Variants in MMS22L observed in about 807,000 individuals in gnomAD.
MMS22L encodes MMS22 like, DNA repair protein.
In MMS22L, 74 loss-of-function variants were observed where a neutral mutation model predicts 159.1. The observed-to-expected ratio is 0.47, with a 90% confidence interval of 0.39 to 0.56. MMS22L has a LOEUF of 0.56. MMS22L is among the 20% of genes least tolerant of loss of function. MMS22L has a pLI of 0.00. For synonymous variants in MMS22L, 517 were observed against 506.9 expected (o/e 1.02, Z -0.27); for missense variants, 1,351 against 1,422.1 (o/e 0.95, Z 0.80).
At chr6:97,225,572 G>GTTTTTTT (rs202185434) in intron 14 of MMS22L, among the ~76,000 whole-genome samples, 3 of 142,060 alleles carry the variant, frequency 2.1e-5, no homozygotes, top group African/African-American at 7.8e-5. Context: ...TGGTCTCGAA[G>GTTTTTTT]TTTTTTTTTT....
chr6:97,233,403 A>G (rs781193515), intron 12 of MMS22L, among the ~76,000 whole-genome samples: 2 of 152,114 alleles, frequency 1.3e-5, no homozygotes, highest in Non-Finnish European at 2.9e-5. Context: ...AGTCTTCCAC[A>G]AATACAGATA....
At chr6:97,173,294 T>C (rs1377763418) in intron 18 of MMS22L, 72 bp from the exon 19 acceptor site, 1 of 1,431,682 alleles carries the variant, frequency 7.0e-7, no homozygotes, top group African/African-American at 1.4e-5. Flanking sequence ...TAAAGATAAT[T>C]TTTCTCTCTT....
rs978516445 is a variant in MMS22L, at chr6:97,282,261, T to TA, written c.164+52dup. 1.1e-5 allele frequency: 17 copies of TA among 1,573,440 alleles called. No individual in the cohort carries two copies. In the African/African-American group the frequency reaches 2.0e-4, roughly 19 times the overall value. On this transcript the variant is annotated intron_variant, in intron 2 of 24. Coordinates refer to ENST00000683635, the MANE Select transcript of MMS22L (RefSeq NM_001350599.2). The stretch of plus-strand genomic sequence containing the variant: ...AATGGGCTGAAATAACTAACATTCC[T>TA]AAAAAACTGGTGAATAATCAGATGA...
At chr6:97,281,547 T>C (rs1384606970) in intron 2 of MMS22L, among the ~76,000 whole-genome samples, 185 bp from the exon 3 acceptor site, 1 of 152,214 alleles carries the variant, frequency 6.6e-6, no homozygotes, top group Non-Finnish European at 1.5e-5. Flanking sequence ...ATCTTCTATA[T>C]TGATAAAATG....
At chr6:97,194,110 C>G (rs186527405) in intron 14 of MMS22L, among the ~76,000 whole-genome samples, 4 of 148,960 alleles carry the variant, frequency 2.7e-5, no homozygotes, top group Non-Finnish European at 5.9e-5. Context: ...CAGGCTGGAG[C>G]GCAGTGGCGC....
intron 10 of MMS22L, among the ~76,000 whole-genome samples, chr6:97,247,427 A>C (rs1029083213): frequency 2.0e-5 from 3 of 152,176 alleles, no homozygotes; most frequent in Non-Finnish European, 4.4e-5. Context: ...AGGGAAAAAA[A>C]CGGTATAAAA....
chr6:97,172,167 T>C (rs1582453005), intron 19 of MMS22L, among the ~76,000 whole-genome samples: 1 of 152,168 alleles, frequency 6.6e-6, no homozygotes, highest in South Asian at 2.1e-4. Context: ...TTTATTAATG[T>C]GTATTTTACT....
At chr6:97,157,785 G>C (rs1421904334) in intron 22 of MMS22L, among the ~76,000 whole-genome samples, 1 of 151,806 alleles carries the variant, frequency 6.6e-6, no homozygotes, top group African/African-American at 2.4e-5. Flanking sequence ...ATTTTTTTTT[G>C]TTGTTGTGTC....
chr6:97,182,430 G>A (rs776428545), intron 15 of MMS22L, among the ~76,000 whole-genome samples: 1 of 151,964 alleles, frequency 6.6e-6, no homozygotes, highest in Non-Finnish European at 1.5e-5. Flanking sequence ...AAATTTGCCT[G>A]TCATCTGCCA....
chr6:97,165,806 A>C (rs1463087715), intron 20 of MMS22L, among the ~76,000 whole-genome samples: 1 of 152,116 alleles, frequency 6.6e-6, no homozygotes, highest in Non-Finnish European at 1.5e-5. Context: ...GTTATAAAAC[A>C]CCTTTAGGTC....
chr6:97,244,312 C>A (rs897217959), intron 11 of MMS22L, among the ~76,000 whole-genome samples: 4 of 152,118 alleles, frequency 2.6e-5, no homozygotes, highest in African/African-American at 7.2e-5. Context: ...TGGATGGGGC[C>A]ATGGAGCTCC....
chr6:97,260,237 A>G lies in MMS22L; in HGVS notation c.942+3098T>C, dbSNP rs569944747. ...TTTTATTTCTGGGAAGTTTCCTTTG[A>G]TTATAGTTTTTAATATTAGCTATAT... On this transcript the variant is annotated intron_variant, in intron 9 of 24. Transcript: ENST00000683635. The G allele has an allele frequency of 2.6e-5, 4 of 152,220 alleles. No homozygotes were observed. In the East Asian group the frequency reaches 5.8e-4, roughly 22 times the overall value. 9.4% of individuals were successfully genotyped at this position (152,220 alleles called of 1,614,324 possible).
At chr6:97,238,199 T>C (rs1811613476) in intron 11 of MMS22L, among the ~76,000 whole-genome samples, 1 of 152,156 alleles carries the variant, frequency 6.6e-6, no homozygotes, top group Admixed American at 6.5e-5. Flanking sequence ...CTGTCGTAAG[T>C]ATTAAGTGAA....
intron 6 of MMS22L, chr6:97,270,685 A>T (rs1334775760): frequency 6.5e-6 from 1 of 154,706 alleles, no homozygotes; most frequent in Non-Finnish European, 1.4e-5. Context: ...TAGGTATACA[A>T]ACAAAATAAA....
chr6:97,163,396 G>A (rs933798157), intron 21 of MMS22L, among the ~76,000 whole-genome samples: 2 of 151,886 alleles, frequency 1.3e-5, no homozygotes, highest in Non-Finnish European at 2.9e-5. Context: ...GAGAAGCATG[G>A]CATGGAAGAA....
At chr6:97,150,591 T>C (rs1254053638) in intron 23 of MMS22L, among the ~76,000 whole-genome samples, 2 of 152,196 alleles carry the variant, frequency 1.3e-5, no homozygotes, top group African/African-American at 4.8e-5. Flanking sequence ...CCACCTCGCT[T>C]AGTAAATTAT....
intron 4 of MMS22L, among the ~76,000 whole-genome samples, chr6:97,278,293 C>T (rs939888877): frequency 6.6e-6 from 1 of 151,780 alleles, no homozygotes; most frequent in African/African-American, 2.4e-5. Context: ...ATCCCAGCTA[C>T]TCGGGAGGCT....
chr6:97,266,927 G>C (rs1050037728), intron 8 of MMS22L: 2 of 152,136 alleles, frequency 1.3e-5, no homozygotes, highest in Non-Finnish European at 2.9e-5. Flanking sequence ...GATGACTACA[G>C]TTAAAAACAA....
chr6:97,200,699 A>G (rs1395019481), intron 14 of MMS22L, among the ~76,000 whole-genome samples: 1 of 152,118 alleles, frequency 6.6e-6, no homozygotes, highest in Non-Finnish European at 1.5e-5. Flanking sequence ...AAATGGAACA[A>G]AACTACAAAA....
Sources: allele counts gnomAD v4.1 joint callset (sites outside exome capture counted in the v4.1 genomes callset), GRCh38; gene constraint gnomAD v4.1.1; transcripts MANE v1.5; gene names NCBI Gene and HGNC (gene_info 2026-07-23, HGNC 2026-07-21).